Variants in AR observed in about 807,000 individuals in gnomAD.
The protein encoded by AR is dihydrotestosterone receptor.
Under a neutral mutation model 53.9 loss-of-function variants are expected in AR, and 8 were observed. The observed-to-expected ratio is 0.15, with a 90% CI of 0.09 to 0.27. The LOEUF (loss-of-function observed/expected upper bound fraction) is 0.27, where lower values mean the gene tolerates loss of function less well. Ranked by LOEUF, AR falls within the 10% of genes least tolerant of loss-of-function variation. AR has a pLI of 1.00. For synonymous variants in AR, 359 were observed against 316.4 expected, an observed-to-expected ratio of 1.13 and a Z score of -1.43; for missense variants, 639 against 742.5, an observed-to-expected ratio of 0.86 and a Z score of 1.62.
At chrX:67,663,603 T>C (rs752939234) in intron 2 of AR, among the ~76,000 whole-genome samples, 1 of 111,843 alleles carries the variant, frequency 8.9e-6, no homozygotes, top group East Asian at 2.8e-4. Flanking sequence ...ATTATGTGTC[T>C]TGGAGTTGCT....
rs1202166699 is a variant in AR at position 67,722,868 on chromosome X, C to G, written c.2491C>G (p.Leu831Val). The change falls in exon 7 of 8, where the codon CTT becomes GTT. Residue 831 changes from leucine (L) to valine (V), a missense_variant. Physicochemically the swap from Leu to Val is conservative, Grantham distance 32. Coordinates refer to ENST00000374690, the MANE Select transcript of AR (RefSeq NM_000044.6). ...GAAAAATCAAAAATTCTTTGATGAACTTCGAATGAACTACATCAAGGAACT... is the reference window on the plus strand; with the variant it reads ...GAAAAATCAAAAATTCTTTGATGAAGTTCGAATGAACTACATCAAGGAACT... ...GLKNQKFFDE[L>V]RMNYIKELDR... is the part of the protein sequence containing the mutation. 8.3e-7 allele frequency: 1 copy of G among 1,211,001 alleles called. No individual in the cohort carries two copies. Among genetic ancestry groups the G allele is most frequent in the Admixed American group, 2.2e-5 (1 of 46,029 alleles).
chrX:67,628,455 T>G (rs1346392383), intron 1 of AR, among the ~76,000 whole-genome samples: 2 of 107,361 alleles, frequency 1.9e-5, no homozygotes, highest in African/African-American at 6.6e-5. Flanking sequence ...TATTGGTGTA[T>G]AAGAATGCTG....
Position 67,643,360 on chromosome X carries a change from C to T in AR, c.1721C>T (p.Ala574Val), listed in dbSNP as rs769546220. ...GDEASGCHYGALTCGSCKVFF... is the reference protein window; with the variant it reads ...GDEASGCHYGVLTCGSCKVFF... ...GAAGCTTCTGGGTGTCACTATGGAGCTCTCACATGTGGAAGCTGCAAGGTC... is the reference window on the plus strand; with the variant it reads ...GAAGCTTCTGGGTGTCACTATGGAGTTCTCACATGTGGAAGCTGCAAGGTC... The change falls in exon 2 of 8, where the codon GCT (alanine) becomes GTT (valine). Residue 574 changes from alanine to valine, a missense_variant. Coordinates refer to ENST00000374690, the MANE Select transcript of AR (RefSeq NM_000044.6). 4 of 1,211,452 alleles carry T rather than the reference C, an allele frequency of 3.3e-6. No individual in the cohort carries two copies. The highest frequency in any genetic ancestry group is 2.2e-6 in the Non-Finnish European group (2 of 895,352).
chrX:67,695,451 C>A (rs1381981389), intron 3 of AR: 1 of 752,021 alleles, frequency 1.3e-6, no homozygotes, highest in African/African-American at 2.3e-5. Context: ...CTTACTGTAG[C>A]CACACTCCTT....
At chrX:67,643,513 C>A in intron 2 of AR, 106 bp downstream of exon 2, 1 of 1,050,876 alleles carries the variant, frequency 9.5e-7, no homozygotes, top group South Asian at 2.0e-5. Context: ...GAAATAGAGT[C>A]ATTGGCAAGG....
chrX:67,627,870 C>G (rs1368628505), intron 1 of AR, among the ~76,000 whole-genome samples: 1 of 111,784 alleles, frequency 8.9e-6, no homozygotes, highest in African/African-American at 3.3e-5. Context: ...GCCAGTTTTT[C>G]CAGCACCATT....
At chrX:67,644,716 T>C (rs1243434530) in intron 2 of AR, among the ~76,000 whole-genome samples, 2 of 111,739 alleles carry the variant, frequency 1.8e-5, no homozygotes, top group East Asian at 5.7e-4. Context: ...AGCTGCCATG[T>C]TGTTTTCTTC....
At chrX:67,657,264 G>A (rs1004364164) in intron 2 of AR, among the ~76,000 whole-genome samples, 2 of 110,935 alleles carry the variant, frequency 1.8e-5, no homozygotes, top group Non-Finnish European at 3.8e-5. Context: ...TTATCTCAAA[G>A]CACATCCACA....
At chrX:67,713,245 C>T (rs909335240) in intron 4 of AR, among the ~76,000 whole-genome samples, 9 of 110,229 alleles carry the variant, frequency 8.2e-5, no homozygotes, top group African/African-American at 3.0e-4. Context: ...TGGTCACAGC[C>T]CTAACCATCT....
At position 67,729,158 on chromosome X, in the gene AR, T is replaced by A. The variant is rs1448785035; in HGVS notation, c.*5317T>A. ...GGTGTCTGTGTGCTGTAATTCTGGTTTTGGATATGTTCTGTAAAGATTTTG... is the reference window on the plus strand; with the variant it reads ...GGTGTCTGTGTGCTGTAATTCTGGTATTGGATATGTTCTGTAAAGATTTTG... On this transcript the variant is annotated 3_prime_UTR_variant, in exon 8 of 8. Coordinates refer to ENST00000374690, the MANE Select transcript of AR (RefSeq NM_000044.6). 1 of 174,807 alleles carries A rather than the reference T, an allele frequency of 5.7e-6. No individual in the cohort carries two copies. The highest frequency in any genetic ancestry group is 1.1e-5 in the Non-Finnish European group (1 of 91,488). 14.4% of individuals were successfully genotyped at this position (174,807 alleles called of 1,213,427 possible).
At chrX:67,722,798 C>A (rs374006008) in intron 6 of AR, 29 bp from the exon 7 acceptor site, 2 of 1,208,399 alleles carry the variant, frequency 1.7e-6, no homozygotes, top group African/African-American at 3.5e-5. Context: ...CATGCTTCCC[C>A]TCCCCATTCT....
At chrX:67,626,516 C>A (rs1379900446) in intron 1 of AR, among the ~76,000 whole-genome samples, 1 of 89,490 alleles carries the variant, frequency 1.1e-5, no homozygotes, top group Non-Finnish European at 2.1e-5. Flanking sequence ...TCTCAGCTCA[C>A]TGCAAGCTCC....
chrX:67,612,303 G>A (rs1399537340), intron 1 of AR, among the ~76,000 whole-genome samples: 1 of 112,144 alleles, frequency 8.9e-6, no homozygotes, highest in African/African-American at 3.2e-5. Context: ...TTCAGCCAGA[G>A]TGACCTGTCT....
At chrX:67,568,487 C>T (rs937329875) in intron 1 of AR, among the ~76,000 whole-genome samples, 1 of 111,200 alleles carries the variant, frequency 9.0e-6, no homozygotes, top group African/African-American at 3.3e-5. Context: ...CCCTTTCTAG[C>T]TAGGGTGTTC....
At position 67,544,526 on chromosome X, in the gene AR, G is replaced by C. The variant is rs907992383; in HGVS notation, c.-621G>C. ...GGTAACTCCCTTTGGCTGCGAGCGG[G>C]CGAGCTAGCTGCACATTGCAAAGAA... On this transcript the variant is annotated 5_prime_UTR_variant, in exon 1 of 8. Transcript: ENST00000374690. 6.1e-6 allele frequency: 1 copy of C among 164,779 alleles called. No homozygotes were observed. Among genetic ancestry groups the C allele is most frequent in the Non-Finnish European group, 1.1e-5 (1 of 86,984 alleles). 13.6% of individuals were successfully genotyped at this position (164,779 alleles called of 1,213,427 possible).
Position 67,721,820 on chromosome X carries a change from A to G in AR, c.2319-13A>G. ...CCCCTCATTCCTTTTTCCTCTGTGTATCTCCTTCCCAGGTACCGCATGCAC... is the reference window on the plus strand; with the variant it reads ...CCCCTCATTCCTTTTTCCTCTGTGTGTCTCCTTCCCAGGTACCGCATGCAC... On this transcript the variant is annotated splice_polypyrimidine_tract_variant and intron_variant, in intron 5 of 7. Coordinates refer to ENST00000374690, the MANE Select transcript of AR (RefSeq NM_000044.6). 2 of 1,210,236 alleles carry G rather than the reference A, an allele frequency of 1.7e-6. No individual in the cohort carries two copies. Among genetic ancestry groups the G allele is most frequent in the Non-Finnish European group, 2.2e-6 (2 of 894,738 alleles).
At chrX:67,589,883 C>A (rs1274583539) in intron 1 of AR, among the ~76,000 whole-genome samples, 3 of 111,473 alleles carry the variant, frequency 2.7e-5, no homozygotes, top group Non-Finnish European at 5.6e-5. Context: ...GACTGAGGGA[C>A]TATTTTATAT....
chrX:67,608,551 G>A (rs776128595), intron 1 of AR, among the ~76,000 whole-genome samples: 2 of 111,552 alleles, frequency 1.8e-5, no homozygotes, highest in Non-Finnish European at 3.8e-5. Context: ...GGATGTATTG[G>A]CCAACCTAAT....
intron 1 of AR, among the ~76,000 whole-genome samples, chrX:67,599,732 T>G (rs1401898565): frequency 8.9e-6 from 1 of 112,509 alleles, no homozygotes; most frequent in Non-Finnish European, 1.9e-5. Flanking sequence ...TTTAGAGATT[T>G]CGCAATGCTG....
Sources: gnomAD v4.1 joint callset for allele counts (sites outside exome capture counted in the v4.1 genomes callset) on GRCh38, gnomAD v4.1.1 for gene constraint, MANE v1.5 for transcripts, NCBI Gene and HGNC (gene_info 2026-07-23, HGNC 2026-07-21) for gene names.